SCYL3: variants seen among roughly 807,000 people sequenced by gnomAD.
SCYL3 encodes protein-associating with the carboxyl-terminal domain of ezrin.
Under a neutral mutation model 73.8 loss-of-function variants are expected in SCYL3, and 35 were observed. The ratio of observed to expected loss-of-function variants is 0.47; its 90% confidence interval spans 0.36 to 0.63. The LOEUF (loss-of-function observed/expected upper bound fraction) is 0.63. SCYL3 is among the 20% of genes least tolerant of loss of function. SCYL3 has a pLI of 0.00. For synonymous variants in SCYL3, 277 were observed against 295.2 expected, an observed-to-expected ratio of 0.94 and a Z score of 0.63; for missense variants, 712 against 798.9, an observed-to-expected ratio of 0.89 and a Z score of 1.31.
chr1:169,852,741 C>T lies in SCYL3; in HGVS notation c.*972G>A. The T allele has an allele frequency of 1.9e-6, 3 of 1,581,634 alleles. No homozygotes were observed. The highest frequency in any genetic ancestry group is 2.6e-6 in the Non-Finnish European group (3 of 1,156,568). ...TTTACTCCAGTCCAAAAGGAAGGTT[C>T]TTTATATTTAGAATGGATATTGTGA... On this transcript the variant is annotated 3_prime_UTR_variant, in exon 13 of 13. Transcript: ENST00000367771.
intron 8 of SCYL3, 127 bp from the exon 9 acceptor site, chr1:169,864,635 G>T: frequency 1.0e-6 from 1 of 996,178 alleles, no homozygotes; most frequent in Non-Finnish European, 1.4e-6. Context: ...TGGAGATAGA[G>T]AAGGTGAACA....
chr1:169,869,166 T>A, intron 6 of SCYL3, 127 bp from the exon 7 acceptor site: 1 of 694,056 alleles, frequency 1.4e-6, no homozygotes, highest in Non-Finnish European at 2.5e-6. Flanking sequence ...TGGCTGTTGC[T>A]AAACAGCTTC....
In SCYL3 at chr1:169,852,190, G is replaced by A. The variant is rs556274042; in HGVS notation, c.*1523C>T. The A allele has an allele frequency of 2.3e-3, 1,168 of 513,712 alleles. 4 individuals carry two copies. The highest frequency in any genetic ancestry group is 3.3e-3 in the Non-Finnish European group (959 of 288,992). 31.8% of individuals were successfully genotyped at this position (513,712 alleles called of 1,614,324 possible). On this transcript the variant is annotated 3_prime_UTR_variant, in exon 13 of 13. Transcript: ENST00000367771. ...TTAAGGGAAGTTACATATTGTACCA[G>A]TGATGCTATAAATGCAGTCTTTACT...
At chr1:169,872,847 T>G (rs991872403) in intron 5 of SCYL3, among the ~76,000 whole-genome samples, 2 of 152,230 alleles carry the variant, frequency 1.3e-5, no homozygotes, top group Non-Finnish European at 2.9e-5. Context: ...CCATTTGGAA[T>G]GGCCGTATTT....
chr1:169,882,414 G>A (rs1016997218), intron 2 of SCYL3, among the ~76,000 whole-genome samples: 6 of 152,128 alleles, frequency 3.9e-5, no homozygotes, highest in African/African-American at 9.7e-5. Flanking sequence ...GCTCCTGTGC[G>A]ACCCCAGCCT....
At chr1:169,853,947 AC>A (rs568142520) in intron 12 of SCYL3, 175 bp from the exon 13 acceptor site, 6 of 707,642 alleles carry the variant, frequency 8.5e-6, no homozygotes, top group Non-Finnish European at 1.2e-5. Context: ...GGATTACAAA[AC>A]CATGGCACTG....
rs1659790243 is a variant in SCYL3 at position 169,863,181 on chromosome 1, G to A, written c.956-384C>T. Among the ~76,000 whole-genome samples the A allele has an allele frequency of 2.0e-5, 3 of 152,172 alleles. No individual in the cohort carries two copies. In the South Asian group the frequency reaches 6.2e-4, roughly 32 times the overall value. ...CTGCCTCGGTGTCCCAAAGTGCTGG[G>A]ATTACAGGCGTGAGCCACCGCGCCC... On this transcript the variant is annotated intron_variant, in intron 9 of 12. Coordinates refer to ENST00000367771, the MANE Select transcript of SCYL3 (RefSeq NM_020423.7).
chr1:169,866,838 T>G (rs774699832), intron 8 of SCYL3, 58 bp downstream of exon 8: 58 of 937,128 alleles, frequency 6.2e-5, no homozygotes, highest in Non-Finnish European at 9.6e-5. Flanking sequence ...ATACCTAAAG[T>G]GATTATATGG....
chr1:169,887,589 T>C (rs1267589754), intron 2 of SCYL3, among the ~76,000 whole-genome samples: 1 of 152,108 alleles, frequency 6.6e-6, no homozygotes, highest in African/African-American at 2.4e-5. Flanking sequence ...AAAATCACAA[T>C]AAAAAATTCT....
chr1:169,881,683 T>C (rs1010003129), intron 2 of SCYL3, among the ~76,000 whole-genome samples: 6 of 152,208 alleles, frequency 3.9e-5, no homozygotes, highest in African/African-American at 1.4e-4. Context: ...GAGTGAGATC[T>C]TGTGGTGTGT....
Position 169,876,018 on chromosome 1 carries a change from C to A in SCYL3, c.425G>T (p.Gly142Val). The A allele has an allele frequency of 6.2e-7, 1 of 1,612,394 alleles. No homozygotes were observed. Among genetic ancestry groups the A allele is most frequent in the East Asian group, 2.2e-5 (1 of 44,712 alleles). ...AGAAACTTTACAAACAGTTTCCATTCCTCCTAGCTTCCAGTGTCCATCTTC... is the reference window on the plus strand; with the variant it reads ...AGAAACTTTACAAACAGTTTCCATTACTCCTAGCTTCCAGTGTCCATCTTC... ...VSEDGHWKLG[G>V]METVCKVSQA... Residue 142 changes from glycine (G) to valine (V), a missense_variant, in exon 4 of 13, where the codon GGA (glycine) becomes GTA (valine). By Grantham distance (109) the Gly-to-Val change is moderately radical. Transcript: ENST00000367771.
At chr1:169,853,956 C>T (rs773345999) in intron 12 of SCYL3, 184 bp from the exon 13 acceptor site, 38 of 675,694 alleles carry the variant, frequency 5.6e-5, no homozygotes, top group Middle Eastern at 2.6e-4. Context: ...AACCATGGCA[C>T]TGGAAAATAG....
intron 3 of SCYL3, among the ~76,000 whole-genome samples, chr1:169,876,900 A>G (rs1390165812): frequency 7.2e-6 from 1 of 139,334 alleles, no homozygotes; most frequent in Non-Finnish European, 1.5e-5. Flanking sequence ...GCTTGCAGTG[A>G]GCCGAGATCA....
chr1:169,875,641 A>T (rs1314380760), intron 4 of SCYL3, among the ~76,000 whole-genome samples: 1 of 152,382 alleles, frequency 6.6e-6, no homozygotes, highest in Non-Finnish European at 1.5e-5. Flanking sequence ...CAAGACAGAT[A>T]CATAAAGGTA....
At chr1:169,875,186 A>C (rs1419320658) in intron 4 of SCYL3, among the ~76,000 whole-genome samples, 1 of 152,236 alleles carries the variant, frequency 6.6e-6, no homozygotes, top group East Asian at 1.9e-4. Flanking sequence ...ACATGGCCCA[A>C]GTTAAGTGTG....
Position 169,876,690 on chromosome 1 carries a change from TCA to T in SCYL3, c.352-601_352-600del, listed in dbSNP as rs550713275. Among the ~76,000 whole-genome samples the T allele has an allele frequency of 1.5e-4, 23 of 152,160 alleles. No homozygotes were observed. In the South Asian group the frequency reaches 4.8e-3, roughly 32 times the overall value. ...CCACAGACTGGCCAGGTGCAGTGGC[TCA>T]CGCCTGTAATCCCAGCACTTTGGGA... On this transcript the variant is annotated intron_variant, in intron 3 of 12. Transcript: ENST00000367771.
At chr1:169,892,839 T>C (rs1260721485) in intron 1 of SCYL3, among the ~76,000 whole-genome samples, 1 of 152,212 alleles carries the variant, frequency 6.6e-6, no homozygotes, top group Non-Finnish European at 1.5e-5. Context: ...TTCTACCAAA[T>C]ATTTTCTTTT....
In SCYL3 at chr1:169,850,162, C is replaced by G. The variant is rs2102070560; in HGVS notation, c.*3551G>C. On this transcript the variant is annotated 3_prime_UTR_variant, in exon 13 of 13. Coordinates refer to ENST00000367771, the MANE Select transcript of SCYL3 (RefSeq NM_020423.7). ...CTTTGAGGATCCTCTGGGACTCTTA[C>G]TTAAAATGAATTTTTGGTTAAGGTA... 1.4e-6 allele frequency: 1 copy of G among 696,874 alleles called. No homozygotes were observed. Among genetic ancestry groups the G allele is most frequent in the Non-Finnish European group, 2.5e-6 (1 of 404,904 alleles). 43.2% of individuals were successfully genotyped at this position (696,874 alleles called of 1,614,324 possible).
intron 2 of SCYL3, among the ~76,000 whole-genome samples, chr1:169,879,296 T>A (rs1661078744): frequency 6.6e-6 from 1 of 152,108 alleles, no homozygotes; most frequent in Non-Finnish European, 1.5e-5. Context: ...GTGCTAAAAG[T>A]CCAGTAAAAA....
Sources: allele counts gnomAD v4.1 joint callset (sites outside exome capture counted in the v4.1 genomes callset), GRCh38; gene constraint gnomAD v4.1.1; transcripts MANE v1.5; gene names NCBI Gene and HGNC (gene_info 2026-07-23, HGNC 2026-07-21).